LHX6: variants seen among roughly 807,000 people sequenced by gnomAD.
LHX6 encodes the protein LIM homeobox 6.
Under a neutral mutation model 47.1 loss-of-function variants are expected in LHX6, and 15 were observed. The ratio of observed to expected loss-of-function variants is 0.32; its 90% confidence interval spans 0.21 to 0.49. LHX6 has a LOEUF of 0.49. Ranked by LOEUF, LHX6 falls within the 20% of genes least tolerant of loss-of-function variation. LHX6 has a pLI of 0.99. For missense variants in LHX6, 404 were observed against 539.6 expected (o/e 0.75, Z 2.49); for synonymous variants, 242 against 233.5 (o/e 1.04, Z -0.33).
At chr9:122,207,856 C>G (rs1217063355) in intron 9 of LHX6, among the ~76,000 whole-genome samples, 1 of 152,146 alleles carries the variant, frequency 6.6e-6, no homozygotes, top group African/African-American at 2.4e-5. Context: ...TATATCCCAC[C>G]CCAACAGACT....
Position 122,226,810 on chromosome 9 carries a change from C to T in LHX6, c.339+38G>A, listed in dbSNP as rs766371394. 1.7e-5 allele frequency: 27 copies of T among 1,545,042 alleles called. No homozygotes were observed. The East Asian group carries it at 6.3e-4, about 36-fold the overall frequency. ...GCAGTCTCCTGCGCTGCGTCCCACG[C>T]CCCGACAACACGCACGCAACACCTA... On this transcript the variant is annotated intron_variant, in intron 3 of 9. Coordinates refer to ENST00000394319, the MANE Select transcript of LHX6 (RefSeq NM_014368.5). This position sits in a 1 kb window ranked among gnomAD's most constrained non-coding sequence, Gnocchi z 6.5.
Position 122,213,563 on chromosome 9 carries a change from C to A in LHX6, c.1054+43G>T. 1 of 1,505,132 alleles carries A rather than the reference C, an allele frequency of 6.6e-7. No individual in the cohort carries two copies. The allele number at this position is 1,505,132 out of a possible 1,614,324, so 93.2% of individuals were successfully genotyped here. A position where few individuals can be genotyped will look rare whatever the true frequency, so the allele number is the denominator to read the frequency against. On this transcript the variant is annotated intron_variant, in intron 8 of 9. Transcript: ENST00000394319. This position sits in a 1 kb window ranked among gnomAD's most constrained non-coding sequence, Gnocchi z 5.5. ...CGCCCACGTGCGCTCCTCCGCGCCCCCTCCCCGCAGGCCCAGCGGCTCCCG... is the reference window on the plus strand; with the variant it reads ...CGCCCACGTGCGCTCCTCCGCGCCCACTCCCCGCAGGCCCAGCGGCTCCCG...
rs775389739 is a variant in LHX6, at chr9:122,214,080, G to A, written c.784-11C>T. 1 of 1,597,724 alleles carries A rather than the reference G, an allele frequency of 6.3e-7. No individual in the cohort carries two copies. Among genetic ancestry groups the A allele is most frequent in the Non-Finnish European group, 8.5e-7 (1 of 1,178,002 alleles). ...CTGCGCCTGCATAACCTGCGGGGCG[G>A]GGAGGGCGGTGAGGCGCTCGCACGC... On this transcript the variant is annotated splice_polypyrimidine_tract_variant and intron_variant, in intron 6 of 9. Transcript: ENST00000394319. This position sits in a 1 kb window ranked among gnomAD's most constrained non-coding sequence, Gnocchi z 4.6.
At chr9:122,228,175 T>C (rs1831189720) in intron 1 of LHX6, 1 of 1,281,194 alleles carries the variant, frequency 7.8e-7, no homozygotes, top group Non-Finnish European at 1.1e-6. Context: ...TCAGGCGCCT[T>C]TCGAGGGCCA....
Position 122,228,764 on chromosome 9 carries a change from C to A in LHX6, c.-24G>T. On this transcript the variant is annotated 5_prime_UTR_variant, in exon 1 of 10. Transcript: ENST00000394319. ...ATGGGCCGGGGAACCTCGGGCTCAG[C>A]GGGCGCGCAGCGCGGAGAGCTGCGC... is the stretch of plus-strand genomic sequence containing the variant. 1 of 1,239,064 alleles carries A rather than the reference C, an allele frequency of 8.1e-7. No individual in the cohort carries two copies. The highest frequency in any genetic ancestry group is 1.0e-6 in the Non-Finnish European group (1 of 987,186). The allele number at this position is 1,239,064 out of a possible 1,614,324, so 76.8% of individuals were successfully genotyped here. A position where few individuals can be genotyped will look rare whatever the true frequency, so the allele number is the denominator to read the frequency against.
chr9:122,228,216 C>G (rs1178774673), intron 1 of LHX6: 2 of 1,505,118 alleles, frequency 1.3e-6, no homozygotes, highest in South Asian at 1.2e-5. Context: ...AAAAAGAGAG[C>G]GAGATCGGGG....
intron 1 of LHX6, 161 bp downstream of exon 1, chr9:122,228,496 C>CA (rs943285978): frequency 4.2e-6 from 6 of 1,420,618 alleles, no homozygotes; most frequent in African/African-American, 1.5e-5. Context: ...ACCCCCCCCC[C>CA]CCGCTCGCGC....
intron 1 of LHX6, chr9:122,228,419 T>G: frequency 6.8e-7 from 1 of 1,474,080 alleles, no homozygotes; most frequent in East Asian, 2.5e-5. Flanking sequence ...GATTCGCCTG[T>G]GTCTTTACTA....
Position 122,226,959 on chromosome 9 carries a change from G to A in LHX6, c.228C>T (p.Pro76=). Residue 76 remains proline (P), a synonymous_variant, in exon 3 of 10, where the codon CCC becomes CCT. Transcript: ENST00000394319. The surrounding 1 kb of genome is among the most constrained non-coding windows in gnomAD (Gnocchi z 6.5). ...GCGGTGAGCAGACAGATGGCGTGCT[G>A]GGCGTACATGGGGAGGCCTGACCCT... ...KDEGQASPCT[P]STPSVCSPPS... is the part of the protein sequence containing the mutation. 1 of 1,553,260 alleles carries A rather than the reference G, an allele frequency of 6.4e-7. No homozygotes were observed. Among genetic ancestry groups the A allele is most frequent in the African/African-American group, 1.4e-5 (1 of 73,718 alleles).
chr9:122,220,029 G>A (rs535171487), intron 4 of LHX6, among the ~76,000 whole-genome samples: 1 of 152,356 alleles, frequency 6.6e-6, no homozygotes, highest in African/African-American at 2.4e-5. Context: ...CCGGGCAAGA[G>A]CGGCTGAGCC....
intron 8 of LHX6, among the ~76,000 whole-genome samples, chr9:122,211,921 T>A (rs537066812): frequency 1.3e-5 from 2 of 152,314 alleles, no homozygotes; most frequent in East Asian, 3.9e-4. Context: ...AGCCTGAATA[T>A]AGTTATTGTT....
chr9:122,209,188 C>T (rs1326082497), intron 9 of LHX6, among the ~76,000 whole-genome samples: 11 of 152,238 alleles, frequency 7.2e-5, no homozygotes, highest in African/African-American at 2.4e-4. Context: ...GGAGGCCCTG[C>T]CAGTTGACCA....
At position 122,204,468 on chromosome 9, in the gene LHX6, T is replaced by G. The variant is rs1480610465; in HGVS notation, c.*292A>C. ...CTTTTGTTATTGTAATCAGCTGAAG[T>G]TGAAGAGGACTCCTGTTTAAATGGG... On this transcript the variant is annotated 3_prime_UTR_variant, in exon 10 of 10. Transcript: ENST00000394319. The G allele has an allele frequency of 2.5e-6, 1 of 403,408 alleles. No homozygotes were observed. The highest frequency in any genetic ancestry group is 2.1e-5 in the African/African-American group (1 of 48,704). 25.0% of individuals were successfully genotyped at this position (403,408 alleles called of 1,614,324 possible).
chr9:122,227,411 T>A lies in LHX6; in HGVS notation c.154A>T (p.Met52Leu), dbSNP rs1300995372. The A allele has an allele frequency of 7.9e-7, 1 of 1,271,732 alleles. No individual in the cohort carries two copies. Among genetic ancestry groups the A allele is most frequent in the South Asian group, 1.3e-5 (1 of 79,722 alleles). 78.8% of individuals were successfully genotyped at this position (1,271,732 alleles called of 1,614,324 possible). Residue 52 changes from methionine (M) to leucine (L), a missense_variant and splice_region_variant, in exon 2 of 10, where the codon ATG (methionine) becomes TTG (leucine). Met to Leu is a conservative substitution (Grantham distance 15). This residue lies in a region of LHX6 where 144 missense variants were observed against 128.7 expected (regional missense o/e 1.12). Coordinates refer to ENST00000394319, the MANE Select transcript of LHX6 (RefSeq NM_014368.5). ...CAGGCAGGGCCAAACGGACTCACCA[T>A]GGCGGGCGGCGCGGTCCCTTCAAGA... ...RCLEGTAPPA[M>L]AQSDAEALAG...
chr9:122,220,694 C>T (rs1187831460), intron 4 of LHX6, among the ~76,000 whole-genome samples: 1 of 152,244 alleles, frequency 6.6e-6, no homozygotes, highest in Non-Finnish European at 1.5e-5. Flanking sequence ...GACCTAGGTG[C>T]AAAGGATGCG....
chr9:122,224,486 TAC>T (rs539712712), intron 4 of LHX6, among the ~76,000 whole-genome samples: 30 of 149,930 alleles, frequency 2.0e-4, no homozygotes, highest in Non-Finnish European at 2.2e-4. Flanking sequence ...CCTGTCTGAC[TAC>T]ACACACACAC....
At position 122,214,429 on chromosome 9, in the gene LHX6, G is replaced by T; in HGVS notation, c.683-46C>A. ...TGACCACGCGTCCCCATCTCTTCTA[G>T]TGGCAGCCTGGAAAGGACGGGGGTG... is the stretch of plus-strand genomic sequence containing the variant. On this transcript the variant is annotated intron_variant, in intron 5 of 9. Transcript: ENST00000394319. The surrounding 1 kb of genome is among the most constrained non-coding windows in gnomAD (Gnocchi z 4.6). The T allele has an allele frequency of 6.7e-7, 1 of 1,496,996 alleles. No individual in the cohort carries two copies. Among genetic ancestry groups the T allele is most frequent in the Middle Eastern group, 1.8e-4 (1 of 5,668 alleles). 92.7% of individuals were successfully genotyped at this position (1,496,996 alleles called of 1,614,324 possible). A position where few individuals can be genotyped will look rare whatever the true frequency, so the allele number is the denominator to read the frequency against.
rs1830525701 is a variant in LHX6, at chr9:122,214,522, T to C, written c.683-139A>G. On this transcript the variant is annotated intron_variant, in intron 5 of 9. Transcript: ENST00000394319. This position sits in a 1 kb window ranked among gnomAD's most constrained non-coding sequence, Gnocchi z 4.6. ...GGGAGCAGGGATCCCAGGGTCCTAG[T>C]CCCTGAGCTCAGTCTTTGGGGAAGG... is the stretch of plus-strand genomic sequence containing the variant. The C allele has an allele frequency of 8.1e-7, 1 of 1,228,914 alleles. No homozygotes were observed. Among genetic ancestry groups the C allele is most frequent in the Non-Finnish European group, 1.1e-6 (1 of 934,304 alleles). 76.1% of individuals were successfully genotyped at this position (1,228,914 alleles called of 1,614,324 possible). A position where few individuals can be genotyped will look rare whatever the true frequency, so the allele number is the denominator to read the frequency against.
At position 122,226,751 on chromosome 9, in the gene LHX6, G is replaced by T; in HGVS notation, c.339+97C>A. 1 of 1,389,884 alleles carries T rather than the reference G, an allele frequency of 7.2e-7. No homozygotes were observed. Among genetic ancestry groups the T allele is most frequent in the Non-Finnish European group, 9.7e-7 (1 of 1,032,616 alleles). 86.1% of individuals were successfully genotyped at this position (1,389,884 alleles called of 1,614,324 possible). A position where few individuals can be genotyped will look rare whatever the true frequency, so the allele number is the denominator to read the frequency against. On this transcript the variant is annotated intron_variant, in intron 3 of 9. Transcript: ENST00000394319. This position sits in a 1 kb window ranked among gnomAD's most constrained non-coding sequence, Gnocchi z 6.5. ...CGCAGTCGGGCAGCAGTGGAGCCAG[G>T]ATTTGGAAGTAAGAGGACCTGCGGT...
Sources: gnomAD v4.1 joint callset for allele counts (sites outside exome capture counted in the v4.1 genomes callset) on GRCh38, gnomAD v4.1.1 for gene constraint, gnomAD v4.1.1 regional missense constraint, Gnocchi (gnomAD v3.1) non-coding constraint, MANE v1.5 for transcripts, NCBI Gene and HGNC (gene_info 2026-07-23, HGNC 2026-07-21) for gene names.